KIF6: variants seen among roughly 807,000 people sequenced by gnomAD.
The protein encoded by KIF6 is kinesin-like protein KIF6.
KIF6 carries 106 observed loss-of-function variants against 112.7 expected under a neutral mutation model. That is an observed-to-expected ratio of 0.94 (90% CI 0.80 to 1.11). The LOEUF is 1.11. Among genes scored for constraint, KIF6 ranks in the 50% least tolerant of loss-of-function variants. The pLI is 0.00. For missense variants in KIF6, 929 were observed against 964.0 expected (o/e 0.96, Z 0.48); for synonymous variants, 339 against 339.9 (o/e 1.00, Z 0.03).
intron 13 of KIF6, among the ~76,000 whole-genome samples, chr6:39,534,561 G>A (rs1329008624): frequency 1.3e-5 from 2 of 152,224 alleles, no homozygotes; most frequent in African/African-American, 4.8e-5. Flanking sequence ...ATGGGACTAT[G>A]TGAAAAGACC....
intron 18 of KIF6, among the ~76,000 whole-genome samples, chr6:39,359,530 T>C (rs1376765586): frequency 6.6e-6 from 1 of 152,198 alleles, no homozygotes; most frequent in Non-Finnish European, 1.5e-5. Context: ...AGCCATGCTA[T>C]ACAATTAATT....
At chr6:39,346,086 C>CT (rs1326236666) in intron 20 of KIF6, among the ~76,000 whole-genome samples, 1,682 of 26,892 alleles carry the variant, frequency 0.063, 200 homozygotes, top group Non-Finnish European at 0.067. Context: ...CTCTCTCTCT[C>CT]CCCCCCCTCT....
chr6:39,416,824 G>A (rs1285396711), intron 15 of KIF6, among the ~76,000 whole-genome samples: 1 of 152,190 alleles, frequency 6.6e-6, no homozygotes, highest in African/African-American at 2.4e-5. Flanking sequence ...CTTTAAACAT[G>A]TGGGCTGACT....
intron 10 of KIF6, among the ~76,000 whole-genome samples, chr6:39,550,312 A>G (rs1331024487): frequency 6.6e-6 from 1 of 152,134 alleles, no homozygotes; most frequent in African/African-American, 2.4e-5. Context: ...AGAGTGGGAT[A>G]TTAGAAACAA....
In KIF6 at chr6:39,332,618, C is replaced by G. The variant is rs1562097859; in HGVS notation, c.*3914G>C. ...CCACTCTGGCTGTTGGAAACATGAA[C>G]TCTTCCCAACACAGTGTTATCTCAG... On this transcript the variant is annotated 3_prime_UTR_variant, in exon 23 of 23. Transcript: ENST00000287152. 1 of 152,180 alleles carries G rather than the reference C, an allele frequency of 6.6e-6. No individual in the cohort carries two copies. The highest frequency in any genetic ancestry group is 6.5e-5 in the Admixed American group (1 of 15,286). The allele number at this position is 152,180 out of a possible 1,614,324, so 9.4% of individuals were successfully genotyped here. A position where few individuals can be genotyped will look rare whatever the true frequency, so the allele number is the denominator to read the frequency against.
At chr6:39,394,297 C>A (rs1242236554) in intron 15 of KIF6, among the ~76,000 whole-genome samples, 2 of 152,204 alleles carry the variant, frequency 1.3e-5, no homozygotes, top group East Asian at 1.9e-4. Context: ...ATACCCACTG[C>A]ACTTCCTTGA....
At chr6:39,612,645 T>C (rs1213493475) in intron 6 of KIF6, among the ~76,000 whole-genome samples, 1 of 152,240 alleles carries the variant, frequency 6.6e-6, no homozygotes. Flanking sequence ...TTACCAGATA[T>C]GCCAACAATA....
chr6:39,386,848 T>C (rs1334236449), intron 15 of KIF6, among the ~76,000 whole-genome samples: 3 of 152,176 alleles, frequency 2.0e-5, no homozygotes, highest in African/African-American at 7.2e-5. Context: ...CATGTCCCAT[T>C]TGGGGGATGT....
chr6:39,616,371 A>C (rs140270432), intron 5 of KIF6, among the ~76,000 whole-genome samples: 279 of 152,282 alleles, frequency 1.8e-3, no homozygotes, highest in African/African-American at 6.2e-3. Flanking sequence ...CTTTTGTAAC[A>C]CATCCCTGTG....
intron 13 of KIF6, among the ~76,000 whole-genome samples, chr6:39,502,919 A>C (rs1057246327): frequency 6.6e-6 from 1 of 152,008 alleles, no homozygotes; most frequent in African/African-American, 2.4e-5. Flanking sequence ...CCCGCTGACA[A>C]TATTAGATCA....
At chr6:39,682,550 A>G (rs1318732004) in intron 3 of KIF6, among the ~76,000 whole-genome samples, 1 of 152,202 alleles carries the variant, frequency 6.6e-6, no homozygotes, top group Non-Finnish European at 1.5e-5. Context: ...GAATGCAAAT[A>G]AAATAATGCA....
intron 15 of KIF6, among the ~76,000 whole-genome samples, chr6:39,388,031 T>A (rs1477604816): frequency 2.0e-5 from 3 of 152,176 alleles, no homozygotes; most frequent in Non-Finnish European, 4.4e-5. Context: ...GCCTTCCTAA[T>A]GAGCCTGGAC....
At chr6:39,664,146 G>GA (rs1786317368) in intron 3 of KIF6, among the ~76,000 whole-genome samples, 1 of 152,130 alleles carries the variant, frequency 6.6e-6, no homozygotes, top group African/African-American at 2.4e-5. Context: ...GGAAAGGAGA[G>GA]AATCAAAGGA....
In KIF6 at chr6:39,342,099, T is replaced by C. The variant is rs11753737; in HGVS notation, c.2428+1610A>G. ...CTCCCTGCCCTCCAGCCACTCTAGC[T>C]TCCTTCCCACCCTGTGGCCAAGCAA... On this transcript the variant is annotated intron_variant, in intron 22 of 22. Transcript: ENST00000287152. The surrounding 1 kb of genome is among the most constrained non-coding windows in gnomAD (Gnocchi z 4.7). 0.32 allele frequency among the ~76,000 whole-genome samples: 48,731 copies of C among 152,078 alleles called. 10,125 individuals carry two copies. The highest frequency in any genetic ancestry group is 0.6 in the African/African-American group (24,829 of 41,460).
At chr6:39,529,469 A>T (rs1777919483) in intron 13 of KIF6, among the ~76,000 whole-genome samples, 1 of 152,214 alleles carries the variant, frequency 6.6e-6, no homozygotes, top group African/African-American at 2.4e-5. Flanking sequence ...CTCTACAGAA[A>T]GAAAACCAAT....
At position 39,340,569 on chromosome 6, in the gene KIF6, G is replaced by T. The variant is rs1028692262; in HGVS notation, c.2428+3140C>A. Among the ~76,000 whole-genome samples, 3 of 152,180 alleles carry T rather than the reference G, an allele frequency of 2.0e-5. No homozygotes were observed. In the South Asian group the frequency reaches 6.2e-4, roughly 32 times the overall value. On this transcript the variant is annotated intron_variant, in intron 22 of 22. Transcript: ENST00000287152. ...TTCCTTTCCTCACCTGTCCACAGGG[G>T]ATCATAATCTTGGCCCTGCATGCCT...
chr6:39,360,188 C>G (rs1765017466), intron 18 of KIF6, among the ~76,000 whole-genome samples: 1 of 152,200 alleles, frequency 6.6e-6, no homozygotes. Flanking sequence ...TTCCATTAAT[C>G]AGGCAGAATT....
chr6:39,652,651 G>A (rs1785542803), intron 3 of KIF6, among the ~76,000 whole-genome samples: 1 of 151,976 alleles, frequency 6.6e-6, no homozygotes. Flanking sequence ...GATCAAAACT[G>A]AACTTATGTT....
intron 6 of KIF6, among the ~76,000 whole-genome samples, chr6:39,597,525 G>A (rs1782340188): frequency 6.6e-6 from 1 of 152,044 alleles, no homozygotes; most frequent in East Asian, 1.9e-4. Flanking sequence ...AAGAAAGGAT[G>A]CACTGATTTA....
Sources: allele counts gnomAD v4.1 joint callset (sites outside exome capture counted in the v4.1 genomes callset), GRCh38; gene constraint gnomAD v4.1.1; non-coding constraint Gnocchi (gnomAD v3.1); transcripts MANE v1.5; gene names NCBI Gene and HGNC (gene_info 2026-07-23, HGNC 2026-07-21).